LRRC4C: variants seen among roughly 807,000 people sequenced by gnomAD.
LRRC4C encodes leucine rich repeat containing 4C.
In LRRC4C, 5 loss-of-function variants were observed where a neutral mutation model predicts 33.6. That is an observed-to-expected ratio of 0.15 (90% CI 0.08 to 0.31). The LOEUF (loss-of-function observed/expected upper bound fraction) is 0.31. Ranked by LOEUF, LRRC4C falls within the 10% of genes least tolerant of loss-of-function variation. The pLI, the probability that LRRC4C is intolerant of heterozygous loss-of-function variation, is 1.00. For synonymous variants in LRRC4C, 329 were observed against 302.0 expected, an observed-to-expected ratio of 1.09 and a Z score of -0.93; for missense variants, 560 against 796.7, an observed-to-expected ratio of 0.70 and a Z score of 3.58.
At chr11:40,763,949 G>C (rs1185625223) in intron 2 of LRRC4C, among the ~76,000 whole-genome samples, 1 of 152,186 alleles carries the variant, frequency 6.6e-6, no homozygotes, top group African/African-American at 2.4e-5. Context: ...TGGAATTGCA[G>C]TGCATACAAC....
At chr11:41,045,429 A>T (rs560366897) in intron 1 of LRRC4C, among the ~76,000 whole-genome samples, 1 of 152,258 alleles carries the variant, frequency 6.6e-6, no homozygotes, top group African/African-American at 2.4e-5. Flanking sequence ...ATTACTCCTC[A>T]ACATTTGCTA....
chr11:40,711,918 T>A (rs1029396759), intron 2 of LRRC4C, among the ~76,000 whole-genome samples: 1 of 152,200 alleles, frequency 6.6e-6, no homozygotes, highest in Non-Finnish European at 1.5e-5. Flanking sequence ...ATTTCCTTTC[T>A]CCTGGGAACT....
At chr11:40,940,636 T>C (rs983713004) in intron 1 of LRRC4C, among the ~76,000 whole-genome samples, 1 of 152,174 alleles carries the variant, frequency 6.6e-6, no homozygotes, top group Non-Finnish European at 1.5e-5. Flanking sequence ...TTATTCCTTC[T>C]TCCTTAAAAC....
chr11:40,604,821 T>C (rs1960397681), intron 3 of LRRC4C, among the ~76,000 whole-genome samples: 1 of 151,672 alleles, frequency 6.6e-6, no homozygotes, highest in African/African-American at 2.4e-5. Context: ...AAAGGTAGCA[T>C]GAAGGGAAAG....
intron 3 of LRRC4C, among the ~76,000 whole-genome samples, chr11:40,586,326 T>G (rs9666333): frequency 0.27 from 39,191 of 145,592 alleles, 5,414 homozygotes; most frequent in Middle Eastern, 0.37. Context: ...GGGTTGTTTG[T>G]TTTTTTCTTG....
At chr11:40,271,618 C>T (rs1033648405) in intron 4 of LRRC4C, among the ~76,000 whole-genome samples, 1 of 152,146 alleles carries the variant, frequency 6.6e-6, no homozygotes, top group Non-Finnish European at 1.5e-5. Context: ...TCTCTGCCTC[C>T]TGAAGCCACT....
chr11:40,312,567 C>G (rs1446144762), intron 4 of LRRC4C, among the ~76,000 whole-genome samples: 1 of 152,056 alleles, frequency 6.6e-6, no homozygotes, highest in Non-Finnish European at 1.5e-5. Flanking sequence ...TCTTCAAGAC[C>G]TTTTAAAAAA....
In LRRC4C at chr11:40,582,505, C is replaced by CTTG. The variant is rs76940531; in HGVS notation, c.-270+65634_-270+65636dup. 6.4e-3 allele frequency among the ~76,000 whole-genome samples: 912 copies of CTTG among 141,498 alleles called. 16 individuals carry two copies. Among genetic ancestry groups the CTTG allele is most frequent in the East Asian group, 0.026 (125 of 4,878 alleles). The allele number at this position is 141,498 out of a possible 152,430, so 92.8% of individuals were successfully genotyped here. On this transcript the variant is annotated intron_variant, in intron 3 of 6. Transcript: ENST00000528697. ...CTTCTTATCGTACTTATTTCTCTCC[C>CTTG]TTGTTCAGTTTTTTTTTTTTTTTTT... is the stretch of plus-strand genomic sequence containing the variant.
intron 4 of LRRC4C, chr11:40,293,315 G>C (rs1944325742): frequency 6.6e-6 from 1 of 151,148 alleles, no homozygotes; most frequent in Non-Finnish European, 1.5e-5. Flanking sequence ...TTTAAGGCTC[G>C]GGGTGCCTTT....
At chr11:41,199,239 A>C (rs1184428370) in intron 1 of LRRC4C, among the ~76,000 whole-genome samples, 1 of 152,100 alleles carries the variant, frequency 6.6e-6, no homozygotes, top group Non-Finnish European at 1.5e-5. Context: ...TCCTGTCTCC[A>C]AAGATCTAAG....
intron 1 of LRRC4C, among the ~76,000 whole-genome samples, chr11:41,014,385 CA>C (rs2137575586): frequency 6.6e-6 from 1 of 152,150 alleles, no homozygotes; most frequent in East Asian, 1.9e-4. Context: ...TCTCCTCCTC[CA>C]TAGTGAGGTG....
chr11:40,803,721 C>A (rs555215766), intron 2 of LRRC4C, among the ~76,000 whole-genome samples: 1 of 152,292 alleles, frequency 6.6e-6, no homozygotes, highest in African/African-American at 2.4e-5. Flanking sequence ...GGTCCACCCG[C>A]CTCGGCCTCC....
At chr11:41,304,757 T>TCC (rs1950425593) in intron 1 of LRRC4C, among the ~76,000 whole-genome samples, 1 of 39,958 alleles carries the variant, frequency 2.5e-5, no homozygotes, top group African/African-American at 1.0e-4. Context: ...CCGCCCCGTC[T>TCC]GGGAGGGAGG....
intron 1 of LRRC4C, among the ~76,000 whole-genome samples, chr11:41,393,285 T>A (rs1953676211): frequency 6.6e-6 from 1 of 151,928 alleles, no homozygotes; most frequent in Non-Finnish European, 1.5e-5. Context: ...TCTCCATAGA[T>A]GCTGGGGTTG....
At chr11:40,206,078 CAA>C (rs1358052997) in intron 5 of LRRC4C, among the ~76,000 whole-genome samples, 16 of 152,152 alleles carry the variant, frequency 1.1e-4, no homozygotes, top group Admixed American at 5.2e-4. Flanking sequence ...TCTTCAAGGG[CAA>C]AGTTATTTAT....
intron 1 of LRRC4C, among the ~76,000 whole-genome samples, chr11:41,324,596 A>G (rs1951053649): frequency 1.3e-5 from 2 of 152,212 alleles, no homozygotes; most frequent in Non-Finnish European, 2.9e-5. Context: ...GGCACCATAC[A>G]ATCTCAATAA....
intron 4 of LRRC4C, among the ~76,000 whole-genome samples, chr11:40,261,213 A>G (rs949068057): frequency 3.3e-5 from 5 of 152,180 alleles, no homozygotes; most frequent in African/African-American, 9.7e-5. Context: ...TAAAATATGT[A>G]CTGGACTAAG....
At chr11:41,394,636 A>C (rs575516886) in intron 1 of LRRC4C, 2 of 152,074 alleles carry the variant, frequency 1.3e-5, no homozygotes, top group African/African-American at 4.8e-5. Flanking sequence ...AATAAATGCA[A>C]AGTACTTAAC....
chr11:40,505,745 T>C (rs150732280), intron 3 of LRRC4C, among the ~76,000 whole-genome samples: 483 of 152,266 alleles, frequency 3.2e-3, no homozygotes, highest in South Asian at 5.4e-3. Context: ...AGTAAGAAAG[T>C]AGCAAAGTTA....
Sources: allele counts gnomAD v4.1 joint callset (sites outside exome capture counted in the v4.1 genomes callset), GRCh38; gene constraint gnomAD v4.1.1; transcripts MANE v1.5; gene names NCBI Gene and HGNC (gene_info 2026-07-23, HGNC 2026-07-21).